The following ZNF718 variants were observed in gnomAD, a reference collection of about 807,000 sequenced individuals.
ZNF718 encodes zinc finger protein 718.
Under a neutral mutation model 2.6 loss-of-function variants are expected in ZNF718, and 3 were observed. The ratio of observed to expected loss-of-function variants is 1.16; its 90% CI spans 0.53 to 3.01. The LOEUF (loss-of-function observed/expected upper bound fraction) is 3.01. ZNF718 is among the 30% of genes most tolerant of loss of function. The pLI, the probability that ZNF718 is intolerant of heterozygous loss-of-function variation, is 0.03. For missense variants in ZNF718, 468 were observed against 230.0 expected (o/e 2.03, Z -6.69); for synonymous variants, 135 against 77.9 (o/e 1.73, Z -3.86).
chr4:200,693 A>T (rs1444903838), intron 3 of ZNF718, among the ~76,000 whole-genome samples: 4 of 150,876 alleles, frequency 2.7e-5, no homozygotes, highest in African/African-American at 9.7e-5. Context: ...GGGAAGGTGC[A>T]TTTTTTTTTA....
intron 3 of ZNF718, among the ~76,000 whole-genome samples, chr4:170,789 C>T (rs907461598): frequency 6.6e-6 from 1 of 151,998 alleles, no homozygotes; most frequent in African/African-American, 2.4e-5. Context: ...GCCATGGGTT[C>T]GAACTTCCTC....
chr4:184,188 A>G (rs1553820195), intron 3 of ZNF718, among the ~76,000 whole-genome samples: 1 of 152,050 alleles, frequency 6.6e-6, no homozygotes, highest in Non-Finnish European at 1.5e-5. Flanking sequence ...TTCCTTCAAT[A>G]CTTAGTTTAT....
At chr4:176,199 T>A (rs1560129090) in intron 3 of ZNF718, among the ~76,000 whole-genome samples, 1 of 152,144 alleles carries the variant, frequency 6.6e-6, no homozygotes, top group Non-Finnish European at 1.5e-5. Flanking sequence ...TCAACCCAGC[T>A]GTGCATGAAT....
chr4:157,110 T>C (rs1315757872), intron 3 of ZNF718, among the ~76,000 whole-genome samples: 24 of 99,718 alleles, frequency 2.4e-4, no homozygotes, highest in Admixed American at 6.3e-4. Flanking sequence ...TTTCTTTTTT[T>C]TTTTTTTTTT....
At position 124,505 on chromosome 4, in the gene ZNF718, T is replaced by G; in HGVS notation, c.-166T>G. The G allele has an allele frequency of 1.0e-6, 1 of 954,694 alleles. No homozygotes were observed. Among genetic ancestry groups the G allele is most frequent in the Non-Finnish European group, 1.6e-6 (1 of 614,062 alleles). The allele number at this position is 954,694 out of a possible 1,614,324, so 59.1% of individuals were successfully genotyped here. A position where few individuals can be genotyped will look rare whatever the true frequency, so the allele number is the denominator to read the frequency against. On this transcript the variant is annotated 5_prime_UTR_variant, in exon 1 of 4. Transcript: ENST00000510175. The stretch of plus-strand genomic sequence containing the variant: ...GCGGCATCCGGGATCTGGCGCGGCT[T>G]TTGCTTGTAGCTCCAGCCAGAGCTC...
intron 3 of ZNF718, among the ~76,000 whole-genome samples, chr4:144,096 G>C (rs1282847525): frequency 6.6e-6 from 1 of 152,084 alleles, no homozygotes; most frequent in African/African-American, 2.4e-5. Flanking sequence ...TTTACGTTGG[G>C]CATACCCAAA....
chr4:134,337 G>A (rs1715464563), intron 3 of ZNF718, among the ~76,000 whole-genome samples: 1 of 152,072 alleles, frequency 6.6e-6, no homozygotes, highest in Admixed American at 6.6e-5. Flanking sequence ...TAGTAGAGAT[G>A]GGGTTTCACC....
intron 3 of ZNF718, among the ~76,000 whole-genome samples, chr4:193,422 G>A (rs1242371894): frequency 6.6e-6 from 1 of 152,130 alleles, no homozygotes; most frequent in Non-Finnish European, 1.5e-5. Flanking sequence ...GACTAGGTAA[G>A]CATACTTACA....
At chr4:200,569 T>C (rs1178770210) in intron 3 of ZNF718, among the ~76,000 whole-genome samples, 1 of 152,146 alleles carries the variant, frequency 6.6e-6, no homozygotes, top group African/African-American at 2.4e-5. Context: ...GCCTGGCTGG[T>C]TTTTTGTTTT....
intron 3 of ZNF718, among the ~76,000 whole-genome samples, chr4:183,133 G>A (rs1214655054): frequency 6.6e-6 from 1 of 152,052 alleles, no homozygotes; most frequent in Non-Finnish European, 1.5e-5. Context: ...ATAGTTTTTG[G>A]TTTTACATTT....
At chr4:136,283 C>T (rs1260961032) in intron 3 of ZNF718, 1 of 477,842 alleles carries the variant, frequency 2.1e-6, no homozygotes, top group Admixed American at 2.2e-5. Context: ...TACAACTGGC[C>T]ATGGACTGTG....
At chr4:178,653 T>C (rs1313900880) in intron 3 of ZNF718, among the ~76,000 whole-genome samples, 1 of 152,208 alleles carries the variant, frequency 6.6e-6, no homozygotes, top group Non-Finnish European at 1.5e-5. Context: ...ATAATTTTGA[T>C]GATCCTTTCA....
intron 3 of ZNF718, among the ~76,000 whole-genome samples, chr4:147,810 G>A (rs1369139577): frequency 6.6e-6 from 1 of 152,158 alleles, no homozygotes; most frequent in Non-Finnish European, 1.5e-5. Flanking sequence ...GTTGCACGGA[G>A]CTGAGATCAC....
Position 170,454 on chromosome 4 carries a change from G to T in ZNF718, c.227-30627G>T, listed in dbSNP as rs541153849. Reference sequence around the variant, plus strand: ...ATCCTGCAGAGTGTTTTCCAACTTGGTTCCATTCTCCCTGTCACTTTCAGG... The same window carrying T: ...ATCCTGCAGAGTGTTTTCCAACTTGTTTCCATTCTCCCTGTCACTTTCAGG... On this transcript the variant is annotated intron_variant and NMD_transcript_variant, in intron 3 of 4. Transcript: ENST00000642529. Among the ~76,000 whole-genome samples the T allele has an allele frequency of 3.9e-5, 6 of 152,256 alleles. No individual in the cohort carries two copies. The East Asian group carries it at 5.8e-4, about 15-fold the overall frequency.
chr4:143,253 G>GTAA (rs1481604600), intron 3 of ZNF718, among the ~76,000 whole-genome samples: 1 of 152,192 alleles, frequency 6.6e-6, no homozygotes, highest in Non-Finnish European at 1.5e-5. Context: ...GTGCAGTGGT[G>GTAA]TAATCTTGGC....
chr4:167,631 T>G (rs1261038745), downstream of ZNF718, among the ~76,000 whole-genome samples: 1 of 152,160 alleles, frequency 6.6e-6, no homozygotes, highest in Non-Finnish European at 1.5e-5. Context: ...GGGAGTTCAC[T>G]CATGATTTGG....
chr4:197,422 C>T (rs1717813862), intron 3 of ZNF718, among the ~76,000 whole-genome samples: 1 of 152,116 alleles, frequency 6.6e-6, no homozygotes, highest in South Asian at 2.1e-4. Context: ...CAGTGCTTTT[C>T]CTGTCACTAA....
chr4:200,531 T>TGCTG (rs1199559815), intron 3 of ZNF718, among the ~76,000 whole-genome samples: 1 of 152,186 alleles, frequency 6.6e-6, no homozygotes, highest in Non-Finnish European at 1.5e-5. Context: ...CCTCCCAAAG[T>TGCTG]GCTGGCATTA....
chr4:124,595 A>G lies in ZNF718; in HGVS notation c.-76A>G. On this transcript the variant is annotated 5_prime_UTR_variant, in exon 1 of 4. Transcript: ENST00000510175. ...GCCTCGGTGATTCTGCCACAGCCTC[A>G]GCCTCTGTGGCTCTGTGACCTGCCG... 1 of 1,583,760 alleles carries G rather than the reference A, an allele frequency of 6.3e-7. No individual in the cohort carries two copies. The highest frequency in any genetic ancestry group is 8.6e-7 in the Non-Finnish European group (1 of 1,164,150).
Sources: allele counts gnomAD v4.1 joint callset (sites outside exome capture counted in the v4.1 genomes callset), GRCh38; gene constraint gnomAD v4.1.1; transcripts MANE v1.5; gene names NCBI Gene and HGNC (gene_info 2026-07-23, HGNC 2026-07-21).